Variants in YTHDF3 observed in about 807,000 individuals in gnomAD.
YTHDF3 encodes YTH N6-methyladenosine RNA binding protein F3.
YTHDF3 carries 9 observed loss-of-function variants against 52.5 expected under a neutral mutation model. That is an observed-to-expected ratio of 0.17 (90% CI 0.10 to 0.30). The LOEUF (loss-of-function observed/expected upper bound fraction) is 0.30. Among genes scored for constraint, YTHDF3 ranks in the 10% least tolerant of loss-of-function variants. The pLI is 1.00. For synonymous variants in YTHDF3, 274 were observed against 243.3 expected (o/e 1.13, Z -1.18); for missense variants, 534 against 715.0 (o/e 0.75, Z 2.89).
In YTHDF3 at chr8:63,210,002, G is replaced by C. The variant is rs1810286710; in HGVS notation, c.*296G>C. The stretch of plus-strand genomic sequence containing the variant: ...CTAGCTAAGGCACAGAAGACTGAAT[G>C]AATGCAAGGATTCATTAACTCTTTG... On this transcript the variant is annotated 3_prime_UTR_variant, in exon 5 of 5. Coordinates refer to ENST00000539294, the MANE Select transcript of YTHDF3 (RefSeq NM_152758.6). The C allele has an allele frequency of 6.7e-6, 2 of 296,394 alleles. No individual in the cohort carries two copies. Among genetic ancestry groups the C allele is most frequent in the African/African-American group, 2.2e-5 (1 of 46,072 alleles). The allele number at this position is 296,394 out of a possible 1,614,324, so 18.4% of individuals were successfully genotyped here.
chr8:63,183,754 C>T (rs1055774028), intron 3 of YTHDF3, among the ~76,000 whole-genome samples: 1 of 152,132 alleles, frequency 6.6e-6, no homozygotes, highest in Admixed American at 6.5e-5. Flanking sequence ...ATATAGTCAG[C>T]CCTCCGTATC....
intron 2 of YTHDF3, 104 bp downstream of exon 2, chr8:63,169,515 A>C: frequency 7.8e-7 from 1 of 1,276,092 alleles, no homozygotes; most frequent in South Asian, 1.3e-5. Context: ...TTGGGAAAAA[A>C]TGTAGGATTA....
chr8:63,174,573 ACT>A (rs1275476323), intron 2 of YTHDF3, among the ~76,000 whole-genome samples: 1 of 152,190 alleles, frequency 6.6e-6, no homozygotes, highest in East Asian at 1.9e-4. Flanking sequence ...GCTCAAAAGC[ACT>A]CTGAAACAGC....
chr8:63,183,189 G>C (rs932208423), intron 3 of YTHDF3, among the ~76,000 whole-genome samples: 3 of 152,128 alleles, frequency 2.0e-5, no homozygotes, highest in African/African-American at 7.2e-5. Flanking sequence ...TCGAACTCCA[G>C]ACCTCAGGTG....
At chr8:63,200,977 A>G (rs76833776) in intron 4 of YTHDF3, among the ~76,000 whole-genome samples, 3 of 152,210 alleles carry the variant, frequency 2.0e-5, no homozygotes, top group Non-Finnish European at 2.9e-5. Flanking sequence ...AAGATGAATC[A>G]CAAGTCGAAG....
intron 4 of YTHDF3, among the ~76,000 whole-genome samples, chr8:63,205,144 G>A (rs1259390304): frequency 6.6e-6 from 1 of 152,020 alleles, no homozygotes; most frequent in Admixed American, 6.6e-5. Context: ...CTTAGTTCAC[G>A]GTGGGGAAGA....
chr8:63,173,748 G>A (rs1807500056), intron 2 of YTHDF3: 3 of 933,234 alleles, frequency 3.2e-6, no homozygotes, highest in Non-Finnish European at 3.8e-6. Flanking sequence ...AGTAACCTAA[G>A]GCACCCTCTT....
chr8:63,195,091 C>T (rs1331306345), intron 4 of YTHDF3, among the ~76,000 whole-genome samples: 1 of 152,212 alleles, frequency 6.6e-6, no homozygotes, highest in East Asian at 1.9e-4. Flanking sequence ...AGGAGCCAAC[C>T]TGTCATATCC....
At chr8:63,178,949 TAC>T (rs1390913318) in intron 3 of YTHDF3, among the ~76,000 whole-genome samples, 1 of 152,210 alleles carries the variant, frequency 6.6e-6, no homozygotes, top group Non-Finnish European at 1.5e-5. Flanking sequence ...TCATACACTG[TAC>T]ACAGTGTGTT....
At chr8:63,170,194 A>G (rs1807218913) in intron 2 of YTHDF3, among the ~76,000 whole-genome samples, 1 of 152,236 alleles carries the variant, frequency 6.6e-6, no homozygotes, top group African/African-American at 2.4e-5. Context: ...ATTAAATAAC[A>G]TCAGAGCAAA....
chr8:63,210,372 A>C lies in YTHDF3; in HGVS notation c.*666A>C, dbSNP rs930400078. ...TGGTGGATTTCACCAGTTAATGCAC[A>C]TTCTTCTTCCCTCCTCCCCCCATTA... On this transcript the variant is annotated 3_prime_UTR_variant, in exon 5 of 5. Transcript: ENST00000539294. 6.6e-6 allele frequency: 1 copy of C among 152,562 alleles called. No homozygotes were observed. Among genetic ancestry groups the C allele is most frequent in the Non-Finnish European group, 1.5e-5 (1 of 67,998 alleles). The allele number at this position is 152,562 out of a possible 1,614,324, so 9.5% of individuals were successfully genotyped here.
At chr8:63,176,291 T>C (rs561469038) in intron 3 of YTHDF3, among the ~76,000 whole-genome samples, 1 of 152,372 alleles carries the variant, frequency 6.6e-6, no homozygotes, top group Admixed American at 6.5e-5. Context: ...TATTTATTTA[T>C]TTATTTTTGA....
chr8:63,182,234 ATTTT>A (rs11348989), intron 3 of YTHDF3, among the ~76,000 whole-genome samples: 14 of 111,690 alleles, frequency 1.3e-4, no homozygotes, highest in East Asian at 5.8e-4. Flanking sequence ...TGCCTGGCTA[ATTTT>A]TTTTTTTTTT....
intron 4 of YTHDF3, among the ~76,000 whole-genome samples, chr8:63,209,108 T>C (rs1411822336): frequency 1.3e-5 from 2 of 152,162 alleles, no homozygotes; most frequent in African/African-American, 4.8e-5. Flanking sequence ...CCTCAGTTGA[T>C]CCACCTGTCT....
intron 3 of YTHDF3, 120 bp downstream of exon 3, chr8:63,175,536 TA>T: frequency 1.2e-6 from 1 of 804,862 alleles, no homozygotes; most frequent in Non-Finnish European, 2.0e-6. Flanking sequence ...CTAGTGTACC[TA>T]TATAGTAAGT....
At chr8:63,199,220 C>T (rs1315525143) in intron 4 of YTHDF3, among the ~76,000 whole-genome samples, 1 of 152,102 alleles carries the variant, frequency 6.6e-6, no homozygotes, top group Non-Finnish European at 1.5e-5. Flanking sequence ...TTGGGAGATA[C>T]TTCTTCCATA....
At chr8:63,179,440 C>G (rs1441725948) in intron 3 of YTHDF3, among the ~76,000 whole-genome samples, 1 of 152,142 alleles carries the variant, frequency 6.6e-6, no homozygotes, top group African/African-American at 2.4e-5. Flanking sequence ...ATGCTGCCTT[C>G]AAGCATCTGT....
At chr8:63,180,708 C>G (rs1259977751) in intron 3 of YTHDF3, among the ~76,000 whole-genome samples, 1 of 152,250 alleles carries the variant, frequency 6.6e-6, no homozygotes, top group Admixed American at 6.5e-5. Context: ...GAACCAGACT[C>G]CGTCTGCAAT....
rs144055639 is a variant in YTHDF3 at position 63,190,254 on chromosome 8, C to T, written c.1734+2509C>T. 1.8e-3 allele frequency among the ~76,000 whole-genome samples: 267 copies of T among 151,402 alleles called. 2 individuals are homozygous for T. Among genetic ancestry groups the T allele is most frequent in the African/African-American group, 6.1e-3 (254 of 41,316 alleles). ...ACAAAGGATACATGGCAAGGAAATA[C>T]CAACTTTTCTTTCGCCCACCACTGA... On this transcript the variant is annotated intron_variant, in intron 4 of 4. Transcript: ENST00000539294.
Sources: allele counts gnomAD v4.1 joint callset (sites outside exome capture counted in the v4.1 genomes callset), GRCh38; gene constraint gnomAD v4.1.1; transcripts MANE v1.5; gene names NCBI Gene and HGNC (gene_info 2026-07-23, HGNC 2026-07-21).